Variants in ECT2 observed in about 807,000 individuals in gnomAD.
The protein encoded by ECT2 is epithelial cell transforming 2.
ECT2 carries 61 observed loss-of-function variants against 116.9 expected under a neutral mutation model. The ratio of observed to expected loss-of-function variants is 0.52; its 90% confidence interval spans 0.42 to 0.65. The LOEUF is 0.65. Ranked by LOEUF, ECT2 falls within the 30% of genes least tolerant of loss-of-function variation. The probability of loss-of-function intolerance (pLI) is 0.00; values close to 1 mark genes in which losing one functional copy is unlikely to be tolerated. For missense variants in ECT2, 937 were observed against 1,078.7 expected, an observed-to-expected ratio of 0.87 and a Z score of 1.84; for synonymous variants, 358 against 346.4, an observed-to-expected ratio of 1.03 and a Z score of -0.37.
At chr3:172,788,217 A>T (rs1241446055) in intron 18 of ECT2, among the ~76,000 whole-genome samples, 1 of 152,202 alleles carries the variant, frequency 6.6e-6, no homozygotes, top group African/African-American at 2.4e-5. Context: ...TACCTATCAG[A>T]TATAGGAAAT....
chr3:172,793,061 C>T (rs182567448), intron 18 of ECT2, among the ~76,000 whole-genome samples: 97 of 152,250 alleles, frequency 6.4e-4, no homozygotes, highest in African/African-American at 2.1e-3. Flanking sequence ...GTTGGCAAGA[C>T]GGTTGTATTA....
At chr3:172,763,270 G>A (rs182899515) in intron 11 of ECT2, among the ~76,000 whole-genome samples, 189 of 152,304 alleles carry the variant, frequency 1.2e-3, no homozygotes, top group African/African-American at 4.0e-3. Flanking sequence ...CGTAGTTAAC[G>A]ATGGGGAATG....
chr3:172,828,334 C>CTGTGTGTGTGTGTGTGTG, the ECT2 span, among the ~76,000 whole-genome samples: 648 of 150,250 alleles, frequency 4.3e-3, 4 homozygotes, highest in African/African-American at 0.015. Context: ...TACCAACAGG[C>CTGTGTGTGTGTGTGTGTG]TGTGTGTGTG....
intron 21 of ECT2, among the ~76,000 whole-genome samples, chr3:172,806,813 T>G (rs1013488026): frequency 6.6e-6 from 1 of 151,940 alleles, no homozygotes; most frequent in African/African-American, 2.4e-5. Context: ...GCTAATTTTT[T>G]TGTATTTTTA....
chr3:172,818,857 A>G, intron 24 of ECT2: 1 of 1,148,420 alleles, frequency 8.7e-7, no homozygotes, highest in Non-Finnish European at 1.1e-6. Flanking sequence ...GCGGGAAAAA[A>G]AAAAGGAACA....
intron 18 of ECT2, among the ~76,000 whole-genome samples, chr3:172,798,021 T>G (rs1411218860): frequency 6.6e-6 from 1 of 152,190 alleles, no homozygotes; most frequent in African/African-American, 2.4e-5. Context: ...CAAATCGTTT[T>G]AGTCTTTTTA....
At chr3:172,752,175 A>G (rs1477310342) in intron 1 of ECT2, 1 of 150,752 alleles carries the variant, frequency 6.6e-6, no homozygotes, top group Non-Finnish European at 1.5e-5. Flanking sequence ...TGTTACCTAG[A>G]CTGGAGTGCA....
chr3:172,764,177 A>G (rs1372999559), intron 11 of ECT2, 101 bp from the exon 12 acceptor site: 2 of 1,062,998 alleles, frequency 1.9e-6, no homozygotes, highest in East Asian at 5.1e-5. Context: ...ATTATTGTGC[A>G]AAATCCAGAT....
intron 22 of ECT2, among the ~76,000 whole-genome samples, chr3:172,813,773 TGA>T (rs1435302517): frequency 6.6e-6 from 1 of 152,092 alleles, no homozygotes; most frequent in Non-Finnish European, 1.5e-5. Flanking sequence ...AATAGTGGAA[TGA>T]TTAAATTAAT....
At chr3:172,767,546 G>A (rs556104262) in intron 12 of ECT2, among the ~76,000 whole-genome samples, 10 of 152,056 alleles carry the variant, frequency 6.6e-5, no homozygotes, top group Admixed American at 4.6e-4. Flanking sequence ...TATATATTAT[G>A]GTTCTTTGTC....
chr3:172,753,859 T>C (rs1467019674), intron 1 of ECT2, among the ~76,000 whole-genome samples: 2 of 152,134 alleles, frequency 1.3e-5, no homozygotes, highest in African/African-American at 2.4e-5. Flanking sequence ...CTTGGACATA[T>C]AAGGAGTACT....
rs1383795698 is a variant in ECT2 at position 172,786,491 on chromosome 3, A to G, written c.1826-2A>G. On this transcript the variant is annotated splice_acceptor_variant, in intron 17 of 24. Coordinates refer to ENST00000392692, the MANE Select transcript of ECT2 (RefSeq NM_001258315.2). LOFTEE classifies it high-confidence loss of function. ...CATGGAAAAAACATTGTATTATTAC[A>G]GATCTTAAGAAGCATACAGCTGATG... 3 of 1,596,548 alleles carry G rather than the reference A, an allele frequency of 1.9e-6. No individual in the cohort carries two copies. The highest frequency in any genetic ancestry group is 2.6e-6 in the Non-Finnish European group (3 of 1,168,096).
At position 172,816,737 on chromosome 3, in the gene ECT2, G is replaced by A. The variant is rs1357254587; in HGVS notation, c.2555G>A (p.Arg852Gln). 10 of 1,607,550 alleles carry A rather than the reference G, an allele frequency of 6.2e-6. No individual in the cohort carries two copies. Among genetic ancestry groups the A allele is most frequent in the South Asian group, 2.2e-5 (2 of 90,172 alleles). ...TCCAAAACTCCAAAAAGAGCTCTTC[G>A]AAGGGCTCTTATGACATCCCACGGC... ...SFSKTPKRAL[R>Q]RALMTSHGSV... Residue 852 changes from arginine to glutamine, a missense_variant, in exon 24 of 25, where the codon CGA becomes CAA. Coordinates refer to ENST00000392692, the MANE Select transcript of ECT2 (RefSeq NM_001258315.2).
At chr3:172,757,435 G>C (rs1339487333) in intron 5 of ECT2, among the ~76,000 whole-genome samples, 1 of 30,470 alleles carries the variant, frequency 3.3e-5, no homozygotes, top group Non-Finnish European at 6.9e-5. Context: ...TTTTTTTTTT[G>C]AGACGGAGTC....
At chr3:172,805,653 A>T in intron 20 of ECT2, 78 bp from the exon 21 acceptor site, 2 of 1,324,400 alleles carry the variant, frequency 1.5e-6, no homozygotes, top group Non-Finnish European at 1.1e-6. Flanking sequence ...TTATGTGATT[A>T]GTGCTATTTT....
rs1275915782 is a variant in ECT2, at chr3:172,764,393, A to T, written c.1184A>T (p.Asp395Val). Reference sequence around the variant, plus strand: ...CTTGCTCAGCTTTCAAGAGAGACAGACGTGTCACCATTTCCACCCCGTAAG... The same window carrying T: ...CTTGCTCAGCTTTCAAGAGAGACAGTCGTGTCACCATTTCCACCCCGTAAG... ...ETLAQLSRET[D>V]VSPFPPRKRP... The change falls in exon 12 of 25, where the codon GAC (aspartate) becomes GTC (valine). Residue 395 changes from aspartate to valine, a missense_variant. Coordinates refer to ENST00000392692, the MANE Select transcript of ECT2 (RefSeq NM_001258315.2). 1.9e-6 allele frequency: 3 copies of T among 1,614,022 alleles called. No homozygotes were observed. The South Asian group carries it at 3.3e-5, about 18-fold the overall frequency.
rs1428830901 is a variant in ECT2 at position 172,754,606 on chromosome 3, G to C, written c.76G>C (p.Val26Leu). The C allele has an allele frequency of 6.2e-7, 1 of 1,611,778 alleles. No individual in the cohort carries two copies. Among genetic ancestry groups the C allele is most frequent in the African/African-American group, 1.3e-5 (1 of 74,842 alleles). ...LADSSIFDSK[V>L]TEISKENLLI... is the part of the protein sequence containing the mutation. ...AGACTCTTCCATTTTTGATTCTAAA[G>C]TTACTGAGATTTCCAAGGAAAACTT... Residue 26 changes from valine to leucine, a missense_variant, in exon 2 of 25, where the codon GTT (valine) becomes CTT (leucine). Physicochemically the swap from Val to Leu is conservative, Grantham distance 32. Coordinates refer to ENST00000392692, the MANE Select transcript of ECT2 (RefSeq NM_001258315.2).
chr3:172,826,150 C>T (rs1043701256), downstream of ECT2, among the ~76,000 whole-genome samples: 1 of 152,200 alleles, frequency 6.6e-6, no homozygotes, highest in Non-Finnish European at 1.5e-5. Context: ...CCACCTCGGC[C>T]TCCCAAAGTG....
intron 21 of ECT2, 55 bp downstream of exon 21, chr3:172,805,924 G>C (rs1727606167): frequency 6.4e-7 from 1 of 1,553,640 alleles, no homozygotes; most frequent in Non-Finnish European, 8.7e-7. Flanking sequence ...ATTCATTGTA[G>C]GTTTAATTTA....
Sources: gnomAD v4.1 joint callset for allele counts (sites outside exome capture counted in the v4.1 genomes callset) on GRCh38, gnomAD v4.1.1 for gene constraint, MANE v1.5 for transcripts, NCBI Gene and HGNC (gene_info 2026-07-23, HGNC 2026-07-21) for gene names.